PBRM1: variants seen among roughly 807,000 people sequenced by gnomAD.
PBRM1 encodes the protein protein polybromo-1.
In PBRM1, 27 loss-of-function variants were observed where a neutral mutation model predicts 194.5. The observed-to-expected ratio is 0.14, with a 90% CI of 0.10 to 0.19. PBRM1 has a LOEUF of 0.19. PBRM1 is among the 10% of genes least tolerant of loss of function. The pLI is 1.00. For missense variants in PBRM1, 1,466 were observed against 2,077.2 expected (o/e 0.71, Z 5.72); for synonymous variants, 655 against 693.2 (o/e 0.94, Z 0.87).
exon 27 of PBRM1, chr3:52,554,833 T>C (rs2081888553): frequency 6.2e-7 from 1 of 1,600,692 alleles, no homozygotes; most frequent in South Asian, 1.1e-5. Context: ...GGCCATCAAC[T>C]GGGCCCTGCA....
At chr3:52,550,966 A>G (rs2080838437) in intron 27 of PBRM1, 149 bp from the exon 30 acceptor site, 3 of 583,890 alleles carry the variant, frequency 5.1e-6, no homozygotes, top group South Asian at 4.4e-5. Flanking sequence ...AAGCACCCCA[A>G]TAGGATTTGA....
chr3:52,640,097 T>C (rs1219463915), intron 10 of PBRM1, among the ~76,000 whole-genome samples: 2 of 152,156 alleles, frequency 1.3e-5, no homozygotes, highest in Admixed American at 6.5e-5. Flanking sequence ...CTGATGAAAT[T>C]AACCTTCTAC....
intron 11 of PBRM1, among the ~76,000 whole-genome samples, 194 bp from the exon 13 acceptor site, chr3:52,629,229 G>C (rs2153599623): frequency 6.6e-6 from 1 of 152,238 alleles, no homozygotes; most frequent in African/African-American, 2.4e-5. Context: ...TAATATGACA[G>C]TTTACTTGAA....
intron 11 of PBRM1, among the ~76,000 whole-genome samples, chr3:52,633,380 T>A (rs1307335385): frequency 6.6e-6 from 1 of 152,166 alleles, no homozygotes; most frequent in Non-Finnish European, 1.5e-5. Context: ...AATATTCCAT[T>A]GTATGTACAC....
At chr3:52,560,176 T>G (rs2083177481) in intron 25 of PBRM1, among the ~76,000 whole-genome samples, 1 of 152,204 alleles carries the variant, frequency 6.6e-6, no homozygotes, top group Admixed American at 6.5e-5. Context: ...TCTTCATTCC[T>G]ACTCCAGTGT....
chr3:52,659,029 C>T (rs988316185), intron 4 of PBRM1, among the ~76,000 whole-genome samples: 3 of 152,190 alleles, frequency 2.0e-5, no homozygotes, highest in Admixed American at 6.5e-5. Context: ...ACAATGACTA[C>T]TTACATAGAG....
chr3:52,579,265 G>T, intron 20 of PBRM1, 66 bp from the exon 23 acceptor site: 2 of 1,414,376 alleles, frequency 1.4e-6, no homozygotes, highest in Non-Finnish European at 2.0e-6. Context: ...GGTAAGAAAC[G>T]AAAGCAGACT....
intron 3 of PBRM1, among the ~76,000 whole-genome samples, chr3:52,664,473 C>T (rs1015064253): frequency 6.7e-6 from 1 of 150,050 alleles, no homozygotes; most frequent in South Asian, 2.1e-4. Context: ...CGGTGGCTCA[C>T]GCCTGTAATC....
chr3:52,640,213 C>T (rs979085423), intron 10 of PBRM1, among the ~76,000 whole-genome samples: 3 of 106,348 alleles, frequency 2.8e-5, no homozygotes, highest in South Asian at 5.1e-4. Context: ...GGTTATTATT[C>T]GCCTGGTGTA....
At chr3:52,648,070 A>G (rs751946984) in intron 7 of PBRM1, among the ~76,000 whole-genome samples, 1 of 151,954 alleles carries the variant, frequency 6.6e-6, no homozygotes, top group Non-Finnish European at 1.5e-5. Context: ...CACCACGCCC[A>G]GCTAATTTTT....
chr3:52,581,976 C>T (rs2091332561), intron 20 of PBRM1, among the ~76,000 whole-genome samples: 1 of 152,112 alleles, frequency 6.6e-6, no homozygotes, highest in Non-Finnish European at 1.5e-5. Flanking sequence ...GGAGTAGTGG[C>T]TCTCACCTGT....
chr3:52,545,630 C>T, downstream of PBRM1: 1 of 233,024 alleles, frequency 4.3e-6, no homozygotes, highest in Non-Finnish European at 8.5e-6. Flanking sequence ...AAACAACAAC[C>T]AAAACAGTTA....
chr3:52,666,434 G>A (rs1320825512), intron 3 of PBRM1, among the ~76,000 whole-genome samples: 1 of 152,074 alleles, frequency 6.6e-6, no homozygotes, highest in East Asian at 1.9e-4. Flanking sequence ...TACTCGGGAG[G>A]CTGAGGCAGG....
At chr3:52,668,789 A>AG in intron 2 of PBRM1, 144 bp from the exon 4 acceptor site, 1 of 434,056 alleles carries the variant, frequency 2.3e-6, no homozygotes. Flanking sequence ...TACTTAAAAA[A>AG]AAAAAAAAAA....
chr3:52,583,446 T>C (rs72947584), intron 20 of PBRM1, among the ~76,000 whole-genome samples: 17,120 of 151,696 alleles, frequency 0.11, 2,552 homozygotes, highest in African/African-American at 0.35. Context: ...AGGAGAAAAG[T>C]GTGTGTGGTC....
At chr3:52,586,391 TA>T (rs765886262) in intron 20 of PBRM1, 33 bp downstream of exon 22, 1 of 1,563,428 alleles carries the variant, frequency 6.4e-7, no homozygotes, top group East Asian at 2.3e-5. Flanking sequence ...TTTTGAGATG[TA>T]AAATTTTTTC....
intron 5 of PBRM1, 37 bp from the exon 7 acceptor site, chr3:52,651,847 A>C: frequency 7.5e-7 from 1 of 1,328,564 alleles, no homozygotes; most frequent in South Asian, 1.2e-5. Context: ...CAATAAGTTA[A>C]ACTATTCAGC....
Position 52,611,283 on chromosome 3 carries a change from T to G in PBRM1, c.1925-1328A>C, listed in dbSNP as rs557305519. Among the ~76,000 whole-genome samples, 5 of 152,316 alleles carry G rather than the reference T, an allele frequency of 3.3e-5. No homozygotes were observed. The East Asian group carries it at 9.6e-4, about 29-fold the overall frequency. ...GAATAAAATTAAAAACTATCACAAT[T>G]TTACATCCCTTTCATGAATTAATAA... is the stretch of plus-strand genomic sequence containing the variant. On this transcript the variant is annotated intron_variant, in intron 15 of 29. Transcript: ENST00000296302.
intron 2 of PBRM1, among the ~76,000 whole-genome samples, chr3:52,673,538 G>A (rs1329507800): frequency 2.6e-5 from 4 of 151,362 alleles, no homozygotes; most frequent in African/African-American, 9.7e-5. Context: ...CAGGCATAGT[G>A]GTGTATGCCT....
Sources: gnomAD v4.1 joint callset for allele counts (sites outside exome capture counted in the v4.1 genomes callset) on GRCh38, gnomAD v4.1.1 for gene constraint, MANE v1.5 for transcripts, NCBI Gene and HGNC (gene_info 2026-07-23, HGNC 2026-07-21) for gene names.